Variants in ROR2 observed in about 807,000 individuals in gnomAD.
The protein encoded by ROR2 is tyrosine-protein kinase transmembrane receptor ROR2.
Under a neutral mutation model 74.9 loss-of-function variants are expected in ROR2, and 33 were observed. The ratio of observed to expected loss-of-function variants is 0.44; its 90% confidence interval spans 0.33 to 0.59. The LOEUF is 0.59. Ranked by LOEUF, ROR2 falls within the 20% of genes least tolerant of loss-of-function variation. The pLI, the probability that ROR2 is intolerant of heterozygous loss-of-function variation, is 0.02. For synonymous variants in ROR2, 586 were observed against 558.7 expected (o/e 1.05, Z -0.69); for missense variants, 1,216 against 1,313.8 (o/e 0.93, Z 1.15).
At chr9:91,850,209 T>C (rs1829048300) in intron 1 of ROR2, among the ~76,000 whole-genome samples, 1 of 152,092 alleles carries the variant, frequency 6.6e-6, no homozygotes, top group African/African-American at 2.4e-5. Context: ...CATTTCCCCA[T>C]ACCCTCACCT....
intron 1 of ROR2, among the ~76,000 whole-genome samples, chr9:91,908,428 C>A (rs1035606699): frequency 6.6e-6 from 1 of 152,212 alleles, no homozygotes; most frequent in African/African-American, 2.4e-5. Context: ...GGCTTAGTAT[C>A]AGTTATCTTA....
At chr9:91,906,109 G>A (rs1046230399) in intron 1 of ROR2, among the ~76,000 whole-genome samples, 4 of 152,038 alleles carry the variant, frequency 2.6e-5, no homozygotes, top group African/African-American at 7.2e-5. Context: ...CCTGAGAGGC[G>A]TCAGCGTCCC....
At chr9:91,921,779 C>T (rs990800166) in intron 1 of ROR2, among the ~76,000 whole-genome samples, 2 of 151,030 alleles carry the variant, frequency 1.3e-5, no homozygotes, top group African/African-American at 4.9e-5. Context: ...AGGAGAATCG[C>T]TTGAACCCGG....
intron 1 of ROR2, among the ~76,000 whole-genome samples, chr9:91,846,642 C>T (rs1004999533): frequency 1.3e-5 from 2 of 152,130 alleles, no homozygotes; most frequent in Non-Finnish European, 2.9e-5. Context: ...AATGGAGCTG[C>T]TCCATTCAAG....
intron 2 of ROR2, among the ~76,000 whole-genome samples, chr9:91,764,390 T>C (rs1232121874): frequency 6.6e-6 from 1 of 152,224 alleles, no homozygotes; most frequent in African/African-American, 2.4e-5. Flanking sequence ...CATTGCCTTT[T>C]ATTTTTTCTT....
intron 1 of ROR2, among the ~76,000 whole-genome samples, chr9:91,929,160 T>C (rs182346585): frequency 3.2e-4 from 49 of 152,244 alleles, no homozygotes; most frequent in African/African-American, 1.2e-3. Context: ...GTCCCCAAAA[T>C]AAAAGAGCGC....
chr9:91,848,621 G>C (rs948617048), intron 1 of ROR2, among the ~76,000 whole-genome samples: 1 of 152,132 alleles, frequency 6.6e-6, no homozygotes, highest in East Asian at 1.9e-4. Flanking sequence ...AGGTGTGGTG[G>C]TGCATGCCCA....
chr9:91,763,985 C>T (rs533362743), intron 2 of ROR2, among the ~76,000 whole-genome samples: 5 of 152,222 alleles, frequency 3.3e-5, no homozygotes, highest in Admixed American at 2.6e-4. Context: ...GTTTTAAGTG[C>T]CCATTTGATC....
At chr9:91,731,564 C>A (rs747670278) in intron 6 of ROR2, among the ~76,000 whole-genome samples, 1 of 152,194 alleles carries the variant, frequency 6.6e-6, no homozygotes, top group Non-Finnish European at 1.5e-5. Context: ...GTGCAGGCCA[C>A]GCCACCTCCA....
intron 1 of ROR2, among the ~76,000 whole-genome samples, chr9:91,840,694 C>T (rs150820090): frequency 5.1e-4 from 77 of 152,364 alleles, no homozygotes; most frequent in African/African-American, 1.8e-3. Flanking sequence ...ACAACCAAGA[C>T]AGGTGAGGCG....
At chr9:91,884,595 C>T (rs1307044056) in intron 1 of ROR2, among the ~76,000 whole-genome samples, 1 of 151,822 alleles carries the variant, frequency 6.6e-6, no homozygotes, top group East Asian at 1.9e-4. Flanking sequence ...AATATTAATG[C>T]TGAAGGGTTT....
At chr9:91,803,243 T>G (rs1429883931) in intron 1 of ROR2, among the ~76,000 whole-genome samples, 2 of 152,164 alleles carry the variant, frequency 1.3e-5, no homozygotes, top group African/African-American at 4.8e-5. Context: ...AGAAAGAAAA[T>G]TCTGTCATTT....
chr9:91,815,128 C>A (rs1381561804), intron 1 of ROR2, among the ~76,000 whole-genome samples: 1 of 152,096 alleles, frequency 6.6e-6, no homozygotes, highest in Non-Finnish European at 1.5e-5. Flanking sequence ...ATTGAGGAGT[C>A]CTGCTTACTG....
At chr9:91,729,769 C>T (rs1050611660) in intron 7 of ROR2, among the ~76,000 whole-genome samples, 2 of 152,114 alleles carry the variant, frequency 1.3e-5, no homozygotes, top group Admixed American at 1.3e-4. Flanking sequence ...CCATCAGCCA[C>T]GTGAGCTTCC....
chr9:91,786,766 C>T (rs1204048266), intron 1 of ROR2, among the ~76,000 whole-genome samples: 1 of 152,080 alleles, frequency 6.6e-6, no homozygotes, highest in Non-Finnish European at 1.5e-5. Context: ...TGGCAGATAC[C>T]CCTGGGGCAT....
chr9:91,857,146 C>T (rs968083585), intron 1 of ROR2, among the ~76,000 whole-genome samples: 1 of 152,240 alleles, frequency 6.6e-6, no homozygotes, highest in African/African-American at 2.4e-5. Context: ...TCTTGTTTCA[C>T]GAGTGACCAT....
intron 1 of ROR2, among the ~76,000 whole-genome samples, chr9:91,943,672 G>C (rs935555384): frequency 1.3e-5 from 2 of 152,146 alleles, no homozygotes; most frequent in African/African-American, 4.8e-5. Context: ...GTAGGCTGAG[G>C]ATACACCGTC....
intron 1 of ROR2, among the ~76,000 whole-genome samples, chr9:91,851,334 A>T (rs1353327805): frequency 6.7e-6 from 1 of 149,894 alleles, no homozygotes; most frequent in Non-Finnish European, 1.5e-5. Context: ...ACCCTGGGCG[A>T]CAGAGCAAGA....
At chr9:91,924,193 G>A (rs1216189898) in intron 1 of ROR2, among the ~76,000 whole-genome samples, 4 of 152,212 alleles carry the variant, frequency 2.6e-5, no homozygotes, top group African/African-American at 9.6e-5. Context: ...CTCCATGGTA[G>A]GTGATCCCTC....
Sources: allele counts gnomAD v4.1 joint callset (sites outside exome capture counted in the v4.1 genomes callset), GRCh38; gene constraint gnomAD v4.1.1; transcripts MANE v1.5; gene names NCBI Gene and HGNC (gene_info 2026-07-23, HGNC 2026-07-21).